The following USO1 variants were observed in gnomAD, a reference collection of about 807,000 sequenced individuals.
USO1 encodes the protein general vesicular transport factor p115.
Under a neutral mutation model 124.5 loss-of-function variants are expected in USO1, and 57 were observed. The ratio of observed to expected loss-of-function variants is 0.46; its 90% confidence interval spans 0.37 to 0.57. The LOEUF (loss-of-function observed/expected upper bound fraction) is 0.57, where lower values mean the gene tolerates loss of function less well. Among genes scored for constraint, USO1 ranks in the 20% least tolerant of loss-of-function variants. The probability of loss-of-function intolerance (pLI) is 0.00; values close to 1 mark genes in which losing one functional copy is unlikely to be tolerated. For synonymous variants in USO1, 369 were observed against 362.8 expected (o/e 1.02, Z -0.19); for missense variants, 900 against 1,040.6 (o/e 0.86, Z 1.86).
At chr4:75,749,589 TG>T (rs769996440) in intron 1 of USO1, among the ~76,000 whole-genome samples, 42 of 151,680 alleles carry the variant, frequency 2.8e-4, no homozygotes, top group Non-Finnish European at 5.9e-4. Context: ...TGTAGAGACA[TG>T]GTCTCACTAT....
intron 19 of USO1, 53 bp downstream of exon 19, chr4:75,805,356 A>T: frequency 6.9e-7 from 1 of 1,456,372 alleles, no homozygotes. Flanking sequence ...GGTTCTCATT[A>T]TCCTGCCTTT....
chr4:75,753,018 GTAGA>G (rs1721333727), intron 3 of USO1, among the ~76,000 whole-genome samples: 1 of 151,706 alleles, frequency 6.6e-6, no homozygotes, highest in Non-Finnish European at 1.5e-5. Context: ...CACTGGGCAA[GTAGA>G]TATTCATTTA....
chr4:75,764,607 T>G (rs1236254174), intron 4 of USO1, among the ~76,000 whole-genome samples: 2 of 152,178 alleles, frequency 1.3e-5, no homozygotes, highest in Non-Finnish European at 2.9e-5. Flanking sequence ...ATCCATCAAG[T>G]CTATATGTGG....
rs968265253 is a variant in USO1, at chr4:75,803,375, C to T, written c.1987-759C>T. ...AAATACATAAAATTCTGGCCGGGCA[C>T]GGTGGCTCACGCCTGTAATCCCAGC... On this transcript the variant is annotated intron_variant, in intron 17 of 23. Transcript: ENST00000514213. Among the ~76,000 whole-genome samples, 39 of 151,788 alleles carry T rather than the reference C, an allele frequency of 2.6e-4. 1 individual carries two copies. The highest frequency in any genetic ancestry group is 6.5e-4 in the African/African-American group (27 of 41,352).
intron 4 of USO1, among the ~76,000 whole-genome samples, chr4:75,757,806 A>G (rs1227060260): frequency 6.6e-6 from 1 of 152,144 alleles, no homozygotes. Context: ...CTTCTTTTTA[A>G]CTAATATTTT....
chr4:75,805,422 A>G, intron 19 of USO1, 119 bp downstream of exon 19: 1 of 1,376,704 alleles, frequency 7.3e-7, no homozygotes, highest in Non-Finnish European at 9.5e-7. Context: ...ATTTTACAGG[A>G]TGGGCCAGGC....
At chr4:75,758,584 T>A (rs948189627) in intron 4 of USO1, among the ~76,000 whole-genome samples, 1 of 152,182 alleles carries the variant, frequency 6.6e-6, no homozygotes, top group Non-Finnish European at 1.5e-5. Flanking sequence ...ATATCCTTTT[T>A]AAAAAACTTT....
At position 75,790,779 on chromosome 4, in the gene USO1, T is replaced by C. The variant is rs1405750777; in HGVS notation, c.1222T>C (p.Leu408=). The C allele has an allele frequency of 6.2e-7, 1 of 1,606,108 alleles. No individual in the cohort carries two copies. Among genetic ancestry groups the C allele is most frequent in the East Asian group, 2.2e-5 (1 of 44,756 alleles). Residue 408 remains leucine, a synonymous_variant, in exon 12 of 24, where the codon TTA becomes CTA. Coordinates refer to ENST00000514213, the MANE Select transcript of USO1 (RefSeq NM_003715.4). ...KGQGEIVSTL[L]PSTIDATGNS... is the part of the protein sequence containing the mutation. ...ACAAGGAGAAATCGTGTCAACACTT[T>C]TACCTTCTACCATTGATGGTAAATA...
At chr4:75,747,003 G>GA (rs1577933118) in intron 1 of USO1, among the ~76,000 whole-genome samples, 1 of 152,218 alleles carries the variant, frequency 6.6e-6, no homozygotes, top group East Asian at 1.9e-4. Flanking sequence ...ATTTATTGAA[G>GA]ATTCATAGGT....
At chr4:75,732,912 G>A (rs1720677998) in intron 1 of USO1, among the ~76,000 whole-genome samples, 1 of 142,502 alleles carries the variant, frequency 7.0e-6, no homozygotes, top group Non-Finnish European at 1.5e-5. Context: ...ATAGTTGGGG[G>A]AGTTCTGTTT....
At chr4:75,760,273 G>C (rs1478618509) in intron 4 of USO1, among the ~76,000 whole-genome samples, 1 of 152,160 alleles carries the variant, frequency 6.6e-6, no homozygotes, top group Non-Finnish European at 1.5e-5. Flanking sequence ...CTTCAGTTCT[G>C]TTATTGATAC....
intron 22 of USO1, among the ~76,000 whole-genome samples, chr4:75,811,775 A>G (rs1048062674): frequency 6.6e-6 from 1 of 151,800 alleles, no homozygotes; most frequent in Non-Finnish European, 1.5e-5. Context: ...GGGATAAAAA[A>G]TTTTTTTTTA....
At chr4:75,787,512 C>T (rs535117692) in intron 10 of USO1, among the ~76,000 whole-genome samples, 1 of 152,030 alleles carries the variant, frequency 6.6e-6, no homozygotes, top group Non-Finnish European at 1.5e-5. Flanking sequence ...ATTTTGAGAA[C>T]AAAGTGACTT....
At chr4:75,778,041 G>A (rs968903389) in intron 8 of USO1, among the ~76,000 whole-genome samples, 3 of 152,094 alleles carry the variant, frequency 2.0e-5, no homozygotes, top group Admixed American at 2.0e-4. Flanking sequence ...AGGACATAAA[G>A]GAACCATAAA....
chr4:75,781,413 G>T (rs559214551), intron 8 of USO1, among the ~76,000 whole-genome samples: 1 of 152,278 alleles, frequency 6.6e-6, no homozygotes, highest in East Asian at 1.9e-4. Flanking sequence ...GCAGTGTCAG[G>T]GTTTGAGAGA....
In USO1 at chr4:75,810,762, C is replaced by T. The variant is rs550107252; in HGVS notation, c.2583+223C>T. Among the ~76,000 whole-genome samples, 7 of 151,954 alleles carry T rather than the reference C, an allele frequency of 4.6e-5. No individual in the cohort carries two copies. In the South Asian group the frequency reaches 6.2e-4, roughly 13 times the overall value. On this transcript the variant is annotated intron_variant, in intron 22 of 23. Transcript: ENST00000514213. ...GTTTTGTTTTTTTGAGATGGAGTTT[C>T]GCTCTGTCACCAGACTGGAGTACAG...
rs75792782 is a variant in USO1, at chr4:75,809,647, G to A, written c.2475+596G>A. Among the ~76,000 whole-genome samples, 870 of 152,222 alleles carry A rather than the reference G, an allele frequency of 5.7e-3. 16 individuals are homozygous for A. Among genetic ancestry groups the A allele is most frequent in the African/African-American group, 0.02 (813 of 41,536 alleles). On this transcript the variant is annotated intron_variant, in intron 21 of 23. Transcript: ENST00000514213. ...TTATAACAAGGATTGCCTTTCCTCC[G>A]ATTCCCAGTAACATGTTCCTAGTTT...
At chr4:75,745,515 G>T (rs777523393) in intron 1 of USO1, among the ~76,000 whole-genome samples, 1 of 152,184 alleles carries the variant, frequency 6.6e-6, no homozygotes, top group African/African-American at 2.4e-5. Flanking sequence ...TCTATAGCTC[G>T]GTTAGGATCT....
intron 1 of USO1, 190 bp downstream of exon 1, chr4:75,725,075 A>G (rs968890522): frequency 6.1e-6 from 4 of 652,240 alleles, no homozygotes; most frequent in African/African-American, 3.8e-5. Flanking sequence ...CTCAGTCCCC[A>G]TTGCTGCCGT....
Sources: allele counts gnomAD v4.1 joint callset (sites outside exome capture counted in the v4.1 genomes callset), GRCh38; gene constraint gnomAD v4.1.1; transcripts MANE v1.5; gene names NCBI Gene and HGNC (gene_info 2026-07-23, HGNC 2026-07-21).